Variants in LHX8 observed in about 807,000 individuals in gnomAD.
LHX8 encodes LIM homeobox 8, also known as LIM/homeobox protein Lhx8.
LHX8 carries 12 observed loss-of-function variants against 40.3 expected under a neutral mutation model. The observed-to-expected ratio is 0.30, with a 90% CI of 0.19 to 0.48. LHX8 has a LOEUF of 0.48. LHX8 is among the 20% of genes least tolerant of loss of function. LHX8 has a pLI of 0.99. For synonymous variants in LHX8, 179 were observed against 162.0 expected (o/e 1.10, Z -0.80); for missense variants, 344 against 433.7 (o/e 0.79, Z 1.84).
At chr1:75,162,668 C>T (rs1014332340), downstream of LHX8, among the ~76,000 whole-genome samples, 4 of 151,922 alleles carry the variant, frequency 2.6e-5, no homozygotes, top group African/African-American at 9.7e-5. Flanking sequence ...TCAAAGCTAT[C>T]AAAATAGATG....
At chr1:75,195,701 C>G in the LHX8 span, among the ~76,000 whole-genome samples, 1 of 152,110 alleles carries the variant, frequency 6.6e-6, no homozygotes, top group African/African-American at 2.4e-5. Context: ...GTGCCCATCC[C>G]AATGGTGCAC....
intron 2 of LHX8, among the ~76,000 whole-genome samples, 164 bp downstream of exon 2, chr1:75,136,853 C>T (rs561518855): frequency 7.2e-5 from 11 of 151,922 alleles, no homozygotes; most frequent in African/African-American, 2.4e-4. Context: ...GCTTAGCTGG[C>T]CCGCGAGGAG....
the LHX8 span, among the ~76,000 whole-genome samples, chr1:75,178,646 G>GA: frequency 6.6e-6 from 1 of 151,994 alleles, no homozygotes; most frequent in Non-Finnish European, 1.5e-5. Context: ...GTGATTTTTT[G>GA]AAGGGTTTTC....
the LHX8 span, among the ~76,000 whole-genome samples, chr1:75,187,746 G>A: frequency 6.6e-6 from 1 of 152,112 alleles, no homozygotes; most frequent in African/African-American, 2.4e-5. Context: ...AGACAGCATG[G>A]GAGTTTTCTT....
upstream of LHX8, chr1:75,131,144 T>C (rs556681863): frequency 4.3e-4 from 134 of 314,420 alleles, no homozygotes; most frequent in Non-Finnish European, 2.2e-4. Context: ...TTTGACCACG[T>C]TTTCTCTCAG....
the LHX8 span, among the ~76,000 whole-genome samples, chr1:75,180,876 G>A: frequency 2.6e-5 from 4 of 152,122 alleles, no homozygotes; most frequent in Non-Finnish European, 5.9e-5. Flanking sequence ...TGGGGTTTTG[G>A]TGTGGATGTC....
chr1:75,144,816 AC>A (rs768590762), intron 6 of LHX8, among the ~76,000 whole-genome samples: 6 of 152,096 alleles, frequency 3.9e-5, no homozygotes, highest in Non-Finnish European at 7.4e-5. Flanking sequence ...CTTAGCTCAG[AC>A]TTTAAAGGAC....
At chr1:75,178,107 G>A in the LHX8 span, among the ~76,000 whole-genome samples, 2 of 152,312 alleles carry the variant, frequency 1.3e-5, no homozygotes, top group Non-Finnish European at 2.9e-5. Flanking sequence ...TTGCACTGAT[G>A]TTCATCAGGG....
chr1:75,193,370 T>C, the LHX8 span, among the ~76,000 whole-genome samples: 6 of 152,320 alleles, frequency 3.9e-5, no homozygotes, highest in African/African-American at 1.2e-4. Flanking sequence ...GCTTCTTACA[T>C]CTTAATGTGC....
At chr1:75,139,371 A>G (rs1648247989) in intron 3 of LHX8, among the ~76,000 whole-genome samples, 1 of 152,154 alleles carries the variant, frequency 6.6e-6, no homozygotes, top group African/African-American at 2.4e-5. Flanking sequence ...GAACTTTGAA[A>G]AAACGTGACA....
Position 75,143,297 on chromosome 1 carries a change from A to G in LHX8, c.539A>G (p.Tyr180Cys). Residue 180 changes from tyrosine (Y) to cysteine (C), a missense_variant, in exon 5 of 9, where the codon TAT becomes TGT. Physicochemically the swap from Tyr to Cys is radical, Grantham distance 194. Around this residue, in one of 3 missense-constraint regions of LHX8, gnomAD observed 147 missense variants for 250.8 expected, o/e 0.59. Transcript: ENST00000356261. ...GAGAAAGTCCTCTGCAGAGTACATTATGACTGCATGCTGGATAATTTAAAA... is the reference window on the plus strand; with the variant it reads ...GAGAAAGTCCTCTGCAGAGTACATTGTGACTGCATGCTGGATAATTTAAAA... ...VEEKVLCRVHYDCMLDNLKRE... is the reference protein window; with the variant it reads ...VEEKVLCRVHCDCMLDNLKRE... 6.2e-7 allele frequency: 1 copy of G among 1,613,616 alleles called. No homozygotes were observed. Among genetic ancestry groups the G allele is most frequent in the Non-Finnish European group, 8.5e-7 (1 of 1,179,606 alleles).
chr1:75,137,025 G>A (rs1265211093), intron 2 of LHX8, 75 bp from the exon 3 acceptor site: 2 of 1,504,886 alleles, frequency 1.3e-6, no homozygotes, highest in Admixed American at 4.3e-5. Context: ...AGGCGGTGGG[G>A]GCGCCCTTGT....
chr1:75,165,556 A>G (rs566201195), downstream of LHX8, among the ~76,000 whole-genome samples: 2 of 152,106 alleles, frequency 1.3e-5, no homozygotes, highest in Non-Finnish European at 2.9e-5. Flanking sequence ...TGGACTGTGT[A>G]TGGGCACTTG....
At chr1:75,145,088 A>G (rs1212152461) in intron 6 of LHX8, among the ~76,000 whole-genome samples, 1 of 152,140 alleles carries the variant, frequency 6.6e-6, no homozygotes, top group African/African-American at 2.4e-5. Flanking sequence ...TAATTTAGGC[A>G]TAAATTCGAT....
chr1:75,137,184 T>C lies in LHX8; in HGVS notation c.160T>C (p.Ser54Pro), dbSNP rs1194857339. Residue 54 changes from serine (S) to proline (P), a missense_variant, in exon 3 of 9, where the codon TCG becomes CCG. Physicochemically the swap from Ser to Pro is moderately conservative, Grantham distance 74 (BLOSUM62 -1). Transcript: ENST00000356261. ...GTCGTCCTCGCCCCGGTCCATGGCC[T>C]CGGGCTCCGGCTGCCCTCCTGGCAA... ...SPSSSPRSMA[S>P]GSGCPPGKCV... 1 of 1,613,514 alleles carries C rather than the reference T, an allele frequency of 6.2e-7. No individual in the cohort carries two copies. The highest frequency in any genetic ancestry group is 8.5e-7 in the Non-Finnish European group (1 of 1,179,932).
At chr1:75,136,554 G>C (rs1415764414) in intron 1 of LHX8, 49 bp from the exon 2 acceptor site, 1 of 1,374,462 alleles carries the variant, frequency 7.3e-7, no homozygotes, top group Non-Finnish European at 1.0e-6. Context: ...CAGCACGCTC[G>C]GAACTTCTGA....
the LHX8 span, among the ~76,000 whole-genome samples, chr1:75,169,037 C>G: frequency 6.6e-6 from 1 of 152,138 alleles, no homozygotes; most frequent in Admixed American, 6.5e-5. Flanking sequence ...GAAACCCCCC[C>G]TGTGGCTTTC....
the LHX8 span, among the ~76,000 whole-genome samples, chr1:75,194,801 T>A: frequency 6.6e-6 from 1 of 152,204 alleles, no homozygotes; most frequent in African/African-American, 2.4e-5. Context: ...TGAGGTTAGA[T>A]AAAGATTAGT....
At chr1:75,161,916 G>C (rs1023582554), downstream of LHX8, among the ~76,000 whole-genome samples, 14 of 152,300 alleles carry the variant, frequency 9.2e-5, no homozygotes, top group Admixed American at 3.3e-4. Flanking sequence ...TGGTGATTCT[G>C]AGAGCTGAAA....
Sources: allele counts gnomAD v4.1 joint callset (sites outside exome capture counted in the v4.1 genomes callset), GRCh38; gene constraint gnomAD v4.1.1; regional missense constraint gnomAD v4.1.1; transcripts MANE v1.5; gene names NCBI Gene and HGNC (gene_info 2026-07-23, HGNC 2026-07-21).